SYNGR2: variants seen among roughly 807,000 people sequenced by gnomAD.
The protein encoded by SYNGR2 is synaptogyrin-2.
In SYNGR2, 11 loss-of-function variants were observed where a neutral mutation model predicts 18.7. The observed-to-expected ratio is 0.59, with a 90% CI of 0.37 to 0.97. The LOEUF (loss-of-function observed/expected upper bound fraction) is 0.97, where lower values mean the gene tolerates loss of function less well. Ranked by LOEUF, SYNGR2 falls within the 50% of genes least tolerant of loss-of-function variation. The pLI is 0.01. For synonymous variants in SYNGR2, 127 were observed against 131.0 expected (o/e 0.97, Z 0.21); for missense variants, 253 against 300.7 (o/e 0.84, Z 1.17).
At chr17:78,170,639 C>T (rs752882600) in intron 1 of SYNGR2, 178 bp from the exon 2 acceptor site, 10 of 660,584 alleles carry the variant, frequency 1.5e-5, no homozygotes, top group South Asian at 8.7e-5. Context: ...GAGCCGAGAT[C>T]GCACTATTGC....
chr17:78,169,715 G>A (rs2075645609), intron 1 of SYNGR2: 1 of 152,392 alleles, frequency 6.6e-6, no homozygotes. Context: ...AGCAGGCGTG[G>A]GTGGTGGCCT....
Position 78,171,293 on chromosome 17 carries a change from C to T in SYNGR2, c.338-217C>T, listed in dbSNP as rs145237125. The T allele has an allele frequency of 8.3e-4, 559 of 673,434 alleles. 4 individuals are homozygous for T. In the African/African-American group the frequency reaches 9.5e-3, roughly 11 times the overall value. The allele number at this position is 673,434 out of a possible 1,614,324, so 41.7% of individuals were successfully genotyped here. ...CCGAGCAGATGGGCTTTGCCTCTGCCCCTTTTGTCCCCTAGGCTGTCTGCT... is the reference window on the plus strand; with the variant it reads ...CCGAGCAGATGGGCTTTGCCTCTGCTCCTTTTGTCCCCTAGGCTGTCTGCT... On this transcript the variant is annotated intron_variant, in intron 2 of 3. Transcript: ENST00000225777. The surrounding 1 kb of genome is among the most constrained non-coding windows in gnomAD (Gnocchi z 6.6).
chr17:78,168,738 G>A (rs2075636630), intron 1 of SYNGR2, 23 bp downstream of exon 1: 1 of 1,193,212 alleles, frequency 8.4e-7, no homozygotes, highest in Non-Finnish European at 1.0e-6. Flanking sequence ...AGGGCGGGCC[G>A]AGGGCACCCT....
Position 78,171,853 on chromosome 17 carries a change from G to A in SYNGR2, c.592G>A (p.Ala198Thr). ...CACTGCCTACGCCTCCTACCCAGGTGCATCTGTGGACAACTACCAACAGCC... is the reference window on the plus strand; with the variant it reads ...CACTGCCTACGCCTCCTACCCAGGTACATCTGTGGACAACTACCAACAGCC... ...PNTAYASYPG[A>T]SVDNYQQPPF... Residue 198 changes from alanine to threonine, a missense_variant, in exon 4 of 4, where the codon GCA becomes ACA. Physicochemically the swap from Ala to Thr is moderately conservative, Grantham distance 58 (BLOSUM62 0). Transcript: ENST00000225777. The surrounding 1 kb of genome is among the most constrained non-coding windows in gnomAD (Gnocchi z 6.6). 1 of 1,614,114 alleles carries A rather than the reference G, an allele frequency of 6.2e-7. No individual in the cohort carries two copies. Among genetic ancestry groups the A allele is most frequent in the South Asian group, 1.1e-5 (1 of 91,074 alleles).
chr17:78,169,095 C>T (rs1246218782), intron 1 of SYNGR2: 1 of 156,692 alleles, frequency 6.4e-6, no homozygotes, highest in African/African-American at 2.4e-5. Context: ...TTTTCCGAAG[C>T]CACGTGGGGT....
chr17:78,171,573 AC>A lies in SYNGR2; in HGVS notation c.404del (p.Pro135ArgfsTer11), dbSNP rs778687992. 8.4e-6 allele frequency: 13 copies of A among 1,543,910 alleles called. No individual in the cohort carries two copies. Among genetic ancestry groups the A allele is most frequent in the Non-Finnish European group, 1.1e-5 (13 of 1,144,288 alleles). On this transcript the variant is annotated frameshift_variant, in exon 3 of 4. Coordinates refer to ENST00000225777, the MANE Select transcript of SYNGR2 (RefSeq NM_004710.7). LOFTEE classifies it high-confidence loss of function. The surrounding 1 kb of genome is among the most constrained non-coding windows in gnomAD (Gnocchi z 6.6). ...CTCACCAACCAGTGGGCAGTCACCA[AC>A]CCGAAGGACGTGCTGGTGGGGGCCG... is the stretch of plus-strand genomic sequence containing the variant. Reference protein sequence around the residue: ...CFLTNQWAVTNPKDVLVGADS... With the variant: ...CFLTNQWAVTXPKDVLVGADS...
rs191505000 is a variant in SYNGR2 at position 78,171,060 on chromosome 17, T to C, written c.337+6T>C. On this transcript the variant is annotated splice_donor_region_variant and intron_variant, in intron 2 of 3. Coordinates refer to ENST00000225777, the MANE Select transcript of SYNGR2 (RefSeq NM_004710.7). This position sits in a 1 kb window ranked among gnomAD's most constrained non-coding sequence, Gnocchi z 6.6. ...TGGTGACCTGCTCTTCTCAGGTATCTGCCTGTGGCACCTCCATTTGATCTT... is the reference window on the plus strand; with the variant it reads ...TGGTGACCTGCTCTTCTCAGGTATCCGCCTGTGGCACCTCCATTTGATCTT... 1.2e-6 allele frequency: 2 copies of C among 1,611,688 alleles called. No homozygotes were observed. The highest frequency in any genetic ancestry group is 3.3e-5 in the Admixed American group (2 of 59,972).
intron 1 of SYNGR2, 178 bp from the exon 2 acceptor site, chr17:78,170,623 TGCAGTGAGCCGAGATC>T (rs2075650612): frequency 1.6e-6 from 1 of 640,048 alleles, no homozygotes; most frequent in African/African-American, 1.8e-5. Flanking sequence ...AGGCAGAGGA[TGCAGTGAGCCGAGATC>T]GCACTATTGC....
rs1197998417 is a variant in SYNGR2, at chr17:78,170,968, T to A, written c.251T>A (p.Phe84Tyr). ...GTGCTGGCCTTCCTGGCCTCGGCCT[T>A]CTTCTTGGTGGTCGACGCGTATTTC... ...IGVLAFLASAFFLVVDAYFPQ... is the reference protein window; with the variant it reads ...IGVLAFLASAYFLVVDAYFPQ... The change falls in exon 2 of 4, where the codon TTC becomes TAC. Residue 84 changes from phenylalanine to tyrosine, a missense_variant. By Grantham distance (22) the Phe-to-Tyr change is conservative. Coordinates refer to ENST00000225777, the MANE Select transcript of SYNGR2 (RefSeq NM_004710.7). The A allele has an allele frequency of 2.5e-6, 4 of 1,612,494 alleles. No individual in the cohort carries two copies. Among genetic ancestry groups the A allele is most frequent in the Non-Finnish European group, 3.4e-6 (4 of 1,179,378 alleles).
rs780390168 is a variant in SYNGR2, at chr17:78,171,150, G to A, written c.337+96G>A. On this transcript the variant is annotated intron_variant, in intron 2 of 3. Coordinates refer to ENST00000225777, the MANE Select transcript of SYNGR2 (RefSeq NM_004710.7). The surrounding 1 kb of genome is among the most constrained non-coding windows in gnomAD (Gnocchi z 6.6). ...TCTCGGCCTCTCTGGGAGGGGCAGG[G>A]AGCAGCTCACTCCTCCAGGGCATTT... 8.1e-7 allele frequency: 1 copy of A among 1,230,342 alleles called. No homozygotes were observed. The highest frequency in any genetic ancestry group is 1.2e-6 in the Non-Finnish European group (1 of 866,308). The allele number at this position is 1,230,342 out of a possible 1,614,324, so 76.2% of individuals were successfully genotyped here.
chr17:78,172,647 T>C lies in SYNGR2; in HGVS notation c.*711T>C, dbSNP rs1337293045. 2.0e-5 allele frequency: 3 copies of C among 152,280 alleles called. No individual in the cohort carries two copies. Among genetic ancestry groups the C allele is most frequent in the Non-Finnish European group, 4.4e-5 (3 of 68,172 alleles). The allele number at this position is 152,280 out of a possible 1,614,324, so 9.4% of individuals were successfully genotyped here. On this transcript the variant is annotated 3_prime_UTR_variant, in exon 4 of 4. Coordinates refer to ENST00000225777, the MANE Select transcript of SYNGR2 (RefSeq NM_004710.7). ...GCTCCCAGACTCTGTCTGTGCCGAGTGTATTATAAAATCGTGGGGGAGATG... is the reference window on the plus strand; with the variant it reads ...GCTCCCAGACTCTGTCTGTGCCGAGCGTATTATAAAATCGTGGGGGAGATG...
chr17:78,172,344 AC>A lies in SYNGR2; in HGVS notation c.*409del, dbSNP rs962177684. ...CTGCCAAAGACTCGTGGGGGCCATC[AC>A]ACCTGCCCTGTGCAGCGGAGCCGGA... On this transcript the variant is annotated 3_prime_UTR_variant, in exon 4 of 4. Transcript: ENST00000225777. 1 of 385,060 alleles carries A rather than the reference AC, an allele frequency of 2.6e-6. No homozygotes were observed. Among genetic ancestry groups the A allele is most frequent in the African/African-American group, 2.0e-5 (1 of 49,734 alleles). 23.9% of individuals were successfully genotyped at this position (385,060 alleles called of 1,614,324 possible). A position where few individuals can be genotyped will look rare whatever the true frequency, so the allele number is the denominator to read the frequency against.
In SYNGR2 at chr17:78,170,981, C is replaced by T. The variant is rs759368353; in HGVS notation, c.264C>T (p.Val88=). ...TGGCCTCGGCCTTCTTCTTGGTGGT[C>T]GACGCGTATTTCCCCCAGATCAGCA... ...AFLASAFFLV[V]DAYFPQISNA... Residue 88 remains valine (V), a synonymous_variant, in exon 2 of 4, where the codon GTC becomes GTT. Coordinates refer to ENST00000225777, the MANE Select transcript of SYNGR2 (RefSeq NM_004710.7). The T allele has an allele frequency of 5.0e-6, 8 of 1,612,844 alleles. No individual in the cohort carries two copies. Among genetic ancestry groups the T allele is most frequent in the African/African-American group, 1.3e-5 (1 of 74,898 alleles).
At chr17:78,168,861 C>A (rs2075637582) in intron 1 of SYNGR2, 146 bp downstream of exon 1, 3 of 639,764 alleles carry the variant, frequency 4.7e-6, no homozygotes, top group Non-Finnish European at 6.3e-6. Flanking sequence ...TCCAGCGTCC[C>A]GGGCCCCGCC....
At chr17:78,169,170 C>G (rs2075640142) in intron 1 of SYNGR2, 2 of 152,080 alleles carry the variant, frequency 1.3e-5, no homozygotes, top group Admixed American at 6.6e-5. Flanking sequence ...CGGGGCAGGC[C>G]ACGGGTCCGC....
At chr17:78,169,122 G>T (rs1161815046) in intron 1 of SYNGR2, 1 of 153,892 alleles carries the variant, frequency 6.5e-6, no homozygotes, top group East Asian at 1.9e-4. Flanking sequence ...GGGGGCGGGG[G>T]GCGACCCAAC....
Position 78,171,089 on chromosome 17 carries a change from G to A in SYNGR2, c.337+35G>A. 1 of 1,600,106 alleles carries A rather than the reference G, an allele frequency of 6.2e-7. No homozygotes were observed. The highest frequency in any genetic ancestry group is 8.5e-7 in the Non-Finnish European group (1 of 1,170,102). On this transcript the variant is annotated intron_variant, in intron 2 of 3. Transcript: ENST00000225777. This position sits in a 1 kb window ranked among gnomAD's most constrained non-coding sequence, Gnocchi z 6.6. Reference sequence around the variant, plus strand: ...TGTGGCACCTCCATTTGATCTTGGGGGAGGCATTAACTCTAGGGTTCCGCA... The same window carrying A: ...TGTGGCACCTCCATTTGATCTTGGGAGAGGCATTAACTCTAGGGTTCCGCA...
intron 1 of SYNGR2, 94 bp downstream of exon 1, chr17:78,168,809 G>A: frequency 9.3e-7 from 1 of 1,071,280 alleles, no homozygotes; most frequent in Non-Finnish European, 1.2e-6. Context: ...GCGACAGGTG[G>A]CGGCGGCCGC....
Position 78,171,765 on chromosome 17 carries a change from G to A in SYNGR2, c.504G>A (p.Gln168=). 1.2e-6 allele frequency: 2 copies of A among 1,614,070 alleles called. No individual in the cohort carries two copies. Among genetic ancestry groups the A allele is most frequent in the Non-Finnish European group, 1.7e-6 (2 of 1,179,962 alleles). The change falls in exon 4 of 4, where the codon CAG becomes CAA. Residue 168 remains glutamine (Q), a synonymous_variant. Transcript: ENST00000225777. The surrounding 1 kb of genome is among the most constrained non-coding windows in gnomAD (Gnocchi z 6.6). ...GTGTGCTGGCCTCCCTGGCCTACCA[G>A]CGCTACAAGGCTGGCGTGGACGACT... The part of the protein sequence containing the change: ...SWGVLASLAY[Q]RYKAGVDDFI...
Sources: allele counts gnomAD v4.1 joint callset, GRCh38; gene constraint gnomAD v4.1.1; non-coding constraint Gnocchi (gnomAD v3.1); transcripts MANE v1.5; gene names NCBI Gene and HGNC (gene_info 2026-07-23, HGNC 2026-07-21).